Variants in EPHA6 observed in about 807,000 individuals in gnomAD.
The protein encoded by EPHA6 is EPH receptor A6.
Under a neutral mutation model 112.0 loss-of-function variants are expected in EPHA6, and 50 were observed. The observed-to-expected ratio is 0.45, with a 90% CI of 0.36 to 0.56. The LOEUF is 0.56. EPHA6 is among the 20% of genes least tolerant of loss of function. EPHA6 has a pLI of 0.00. For synonymous variants in EPHA6, 529 were observed against 490.7 expected, an observed-to-expected ratio of 1.08 and a Z score of -1.03; for missense variants, 1,280 against 1,417.4, an observed-to-expected ratio of 0.90 and a Z score of 1.56.
At chr3:97,255,455 T>C (rs1055510713) in intron 5 of EPHA6, among the ~76,000 whole-genome samples, 2 of 152,176 alleles carry the variant, frequency 1.3e-5, no homozygotes, top group Non-Finnish European at 2.9e-5. Context: ...TCTCTTATCG[T>C]TCAAACCCTT....
chr3:97,437,321 T>A (rs2089902781), intron 6 of EPHA6, among the ~76,000 whole-genome samples: 1 of 152,156 alleles, frequency 6.6e-6, no homozygotes, highest in Non-Finnish European at 1.5e-5. Context: ...AAATTAGATA[T>A]AATTAATCAA....
At chr3:97,127,900 G>A (rs1012291525) in intron 3 of EPHA6, among the ~76,000 whole-genome samples, 1 of 151,764 alleles carries the variant, frequency 6.6e-6, no homozygotes, top group Non-Finnish European at 1.5e-5. Context: ...AGCTTTAGGA[G>A]TACATAGATT....
At chr3:97,514,973 C>A (rs2092424882) in intron 10 of EPHA6, among the ~76,000 whole-genome samples, 1 of 152,172 alleles carries the variant, frequency 6.6e-6, no homozygotes, top group Admixed American at 6.5e-5. Flanking sequence ...GCAGCCTGAG[C>A]AGACTAATAC....
chr3:96,967,417 C>T (rs74909593), intron 2 of EPHA6, among the ~76,000 whole-genome samples: 6,428 of 151,180 alleles, frequency 0.043, 438 homozygotes, highest in African/African-American at 0.14. Context: ...GTCTTTTTCA[C>T]GCTGAATTTT....
chr3:97,298,968 G>T (rs1336010124), intron 5 of EPHA6, among the ~76,000 whole-genome samples: 1 of 151,832 alleles, frequency 6.6e-6, no homozygotes, highest in Non-Finnish European at 1.5e-5. Flanking sequence ...AAAAATCATT[G>T]CATTTTTCCC....
intron 14 of EPHA6, among the ~76,000 whole-genome samples, chr3:97,719,100 A>ACC (rs1292008850): frequency 8.6e-4 from 14 of 16,302 alleles, no homozygotes; most frequent in African/African-American, 2.9e-3. Context: ...CCCCCCCCCC[A>ACC]CCCCCCCCGC....
intron 10 of EPHA6, among the ~76,000 whole-genome samples, chr3:97,513,927 C>T (rs1351935588): frequency 1.3e-5 from 2 of 151,950 alleles, no homozygotes; most frequent in Non-Finnish European, 2.9e-5. Context: ...TAAGAGAATG[C>T]CGTTAACAGA....
intron 3 of EPHA6, among the ~76,000 whole-genome samples, chr3:97,041,349 G>C (rs1352468456): frequency 1.3e-5 from 2 of 152,048 alleles, no homozygotes; most frequent in Admixed American, 6.6e-5. Flanking sequence ...AAAGCCTGGA[G>C]TGTATAGATG....
intron 2 of EPHA6, among the ~76,000 whole-genome samples, chr3:96,878,691 T>C (rs1045810737): frequency 6.6e-6 from 1 of 152,104 alleles, no homozygotes; most frequent in Non-Finnish European, 1.5e-5. Context: ...TATCTAGATA[T>C]ACAATCTGTA....
intron 2 of EPHA6, among the ~76,000 whole-genome samples, chr3:96,890,128 A>G (rs1429168016): frequency 1.3e-5 from 2 of 152,002 alleles, no homozygotes; most frequent in African/African-American, 4.8e-5. Flanking sequence ...AAATAAAAAA[A>G]AAAACATAAA....
At chr3:96,981,903 C>G (rs542358798) in intron 2 of EPHA6, among the ~76,000 whole-genome samples, 1 of 151,792 alleles carries the variant, frequency 6.6e-6, no homozygotes, top group Non-Finnish European at 1.5e-5. Flanking sequence ...TGGTGATATC[C>G]CCTTTATCAT....
intron 5 of EPHA6, among the ~76,000 whole-genome samples, chr3:97,300,815 T>A (rs2081062733): frequency 1.3e-5 from 2 of 151,740 alleles, no homozygotes; most frequent in African/African-American, 4.8e-5. Flanking sequence ...CACGTTCAAG[T>A]CATAACAAAA....
intron 10 of EPHA6, among the ~76,000 whole-genome samples, chr3:97,532,005 T>C (rs1455594211): frequency 6.6e-6 from 1 of 152,070 alleles, no homozygotes; most frequent in East Asian, 1.9e-4. Context: ...ATTTGGGCCA[T>C]ATTTCAGCAT....
intron 2 of EPHA6, among the ~76,000 whole-genome samples, chr3:96,929,843 T>C (rs962155695): frequency 3.3e-5 from 5 of 152,190 alleles, no homozygotes; most frequent in African/African-American, 1.2e-4. Flanking sequence ...CCATTCTCCT[T>C]GTCTCTTTCA....
At chr3:96,926,066 G>A (rs2040020414) in intron 2 of EPHA6, among the ~76,000 whole-genome samples, 1 of 152,060 alleles carries the variant, frequency 6.6e-6, no homozygotes, top group African/African-American at 2.4e-5. Context: ...CTTGAGACTA[G>A]GTAATTTATA....
chr3:97,352,830 A>C (rs1187538988), intron 5 of EPHA6, among the ~76,000 whole-genome samples: 1 of 151,936 alleles, frequency 6.6e-6, no homozygotes, highest in African/African-American at 2.4e-5. Context: ...TGTTTGCATC[A>C]CCCCTTCCCC....
intron 2 of EPHA6, among the ~76,000 whole-genome samples, chr3:96,984,959 T>C (rs1234974313): frequency 2.6e-5 from 4 of 152,220 alleles, no homozygotes; most frequent in Non-Finnish European, 5.9e-5. Context: ...ACAGCTTTGC[T>C]TGGCTATGAA....
At chr3:97,114,651 G>C (rs2047827353) in intron 3 of EPHA6, among the ~76,000 whole-genome samples, 1 of 152,000 alleles carries the variant, frequency 6.6e-6, no homozygotes, top group African/African-American at 2.4e-5. Flanking sequence ...CTTACTTAGA[G>C]CTGTATAGCT....
chr3:97,092,551 C>T (rs2047106242), intron 3 of EPHA6, among the ~76,000 whole-genome samples: 2 of 151,958 alleles, frequency 1.3e-5, no homozygotes, highest in South Asian at 4.2e-4. Flanking sequence ...ATCTATAAAT[C>T]TGGCTGAGTG....
Sources: gnomAD v4.1 joint callset for allele counts (sites outside exome capture counted in the v4.1 genomes callset) on GRCh38, gnomAD v4.1.1 for gene constraint, MANE v1.5 for transcripts, NCBI Gene and HGNC (gene_info 2026-07-23, HGNC 2026-07-21) for gene names.